The following ZNF451 variants were observed in gnomAD, a reference collection of about 807,000 sequenced individuals.
The protein encoded by ZNF451 is E3 SUMO-protein ligase ZNF451.
ZNF451 carries 80 observed loss-of-function variants against 107.1 expected under a neutral mutation model. The observed-to-expected ratio is 0.75, with a 90% CI of 0.62 to 0.90. The LOEUF is 0.90. ZNF451 is among the 40% of genes least tolerant of loss of function. The pLI, the probability that ZNF451 is intolerant of heterozygous loss-of-function variation, is 0.00. For missense variants in ZNF451, 1,107 were observed against 1,236.2 expected (o/e 0.90, Z 1.57); for synonymous variants, 362 against 406.5 (o/e 0.89, Z 1.32).
intron 3 of ZNF451, chr6:57,103,698 C>G: frequency 1.0e-6 from 1 of 985,220 alleles, no homozygotes; most frequent in Non-Finnish European, 1.2e-6. Context: ...TTTTCATCTG[C>G]TTGATCAAGG....
chr6:57,119,786 A>G (rs1358668551), intron 3 of ZNF451, among the ~76,000 whole-genome samples: 1 of 151,888 alleles, frequency 6.6e-6, no homozygotes, highest in African/African-American at 2.4e-5. Flanking sequence ...CATAAGATAT[A>G]CTTTCTATTT....
intron 3 of ZNF451, chr6:57,102,308 CT>C (rs904036888): frequency 3.2e-6 from 4 of 1,253,282 alleles, no homozygotes; most frequent in Admixed American, 7.6e-5. Flanking sequence ...GCAGTGGAGA[CT>C]TTCTTGAAAG....
intron 3 of ZNF451, chr6:57,103,440 AAT>A (rs1829699644): frequency 1.0e-6 from 1 of 985,390 alleles, no homozygotes; most frequent in Non-Finnish European, 1.2e-6. Context: ...TGGTCCCATT[AAT>A]AGTTTTTCAC....
chr6:57,145,244 C>T (rs1832005303), intron 9 of ZNF451, among the ~76,000 whole-genome samples: 1 of 152,104 alleles, frequency 6.6e-6, no homozygotes, highest in Non-Finnish European at 1.5e-5. Flanking sequence ...CCTAGTTCTT[C>T]AGTGCAAAAG....
intron 8 of ZNF451, 54 bp downstream of exon 8, chr6:57,141,509 T>C (rs1562617564): frequency 7.4e-6 from 11 of 1,484,978 alleles, no homozygotes; most frequent in Non-Finnish European, 1.0e-5. Flanking sequence ...CTTTGCTGAT[T>C]TATCATACTT....
chr6:57,143,092 A>G (rs1831856824), intron 9 of ZNF451, among the ~76,000 whole-genome samples: 1 of 152,122 alleles, frequency 6.6e-6, no homozygotes. Context: ...TCAGATTCGT[A>G]TCTAGAATAC....
At position 57,103,249 on chromosome 6, in the gene ZNF451, A is replaced by G. The variant is rs1024802336; in HGVS notation, c.186+4108A>G. The G allele has an allele frequency of 3.0e-6, 3 of 985,350 alleles. No homozygotes were observed. The African/African-American group carries it at 5.2e-5, about 17-fold the overall frequency. The allele number at this position is 985,350 out of a possible 1,614,324, so 61.0% of individuals were successfully genotyped here. On this transcript the variant is annotated intron_variant, in intron 3 of 14. Coordinates refer to ENST00000370706, the MANE Select transcript of ZNF451 (RefSeq NM_001031623.3). ...TGAGAATCCTTAAGATTTAAAGCATAGCTGTGGATGTGGTGAAGAGAACAA... is the reference window on the plus strand; with the variant it reads ...TGAGAATCCTTAAGATTTAAAGCATGGCTGTGGATGTGGTGAAGAGAACAA...
At chr6:57,153,799 T>C in intron 12 of ZNF451, 62 bp from the exon 13 acceptor site, 1 of 1,529,350 alleles carries the variant, frequency 6.5e-7, no homozygotes, top group Non-Finnish European at 9.0e-7. Context: ...CTGAAATAGA[T>C]GTAACTTGTT....
At chr6:57,111,063 G>T (rs1830083598) in intron 3 of ZNF451, among the ~76,000 whole-genome samples, 1 of 151,966 alleles carries the variant, frequency 6.6e-6, no homozygotes, top group Admixed American at 6.6e-5. Context: ...AGGATTACAG[G>T]CGCATGCCAC....
At chr6:57,124,342 A>T in intron 3 of ZNF451, 1 of 696,592 alleles carries the variant, frequency 1.4e-6, no homozygotes, top group Non-Finnish European at 2.6e-6. Context: ...ATTAGAGTTT[A>T]GTTTCCTATG....
chr6:57,112,926 A>C (rs143765160), intron 3 of ZNF451, among the ~76,000 whole-genome samples: 106 of 152,306 alleles, frequency 7.0e-4, no homozygotes, highest in African/African-American at 2.5e-3. Flanking sequence ...AAAGCCACAA[A>C]GTAGTACAAT....
intron 3 of ZNF451, among the ~76,000 whole-genome samples, chr6:57,112,159 T>C (rs903352550): frequency 1.1e-4 from 17 of 152,228 alleles, no homozygotes; most frequent in Non-Finnish European, 2.4e-4. Context: ...GTTTGAGTTA[T>C]ATAAGTTGAG....
At chr6:57,119,206 A>T (rs1830515573) in intron 3 of ZNF451, among the ~76,000 whole-genome samples, 1 of 152,170 alleles carries the variant, frequency 6.6e-6, no homozygotes, top group African/African-American at 2.4e-5. Flanking sequence ...GTGATATTTT[A>T]TTTGTAACCA....
At chr6:57,107,220 TTCAACACCTCTTTCTG>T (rs1458505386) in intron 3 of ZNF451, 1 of 985,320 alleles carries the variant, frequency 1.0e-6, no homozygotes, top group Non-Finnish European at 1.2e-6. Flanking sequence ...TTCTCCTGTA[TTCAACACCTCTTTCTG>T]AAAGGATGTC....
chr6:57,156,732 G>T (rs1346113229), intron 13 of ZNF451, among the ~76,000 whole-genome samples: 2 of 152,186 alleles, frequency 1.3e-5, no homozygotes, highest in African/African-American at 4.8e-5. Context: ...TGTAACCTAA[G>T]TTTATACTAT....
intron 3 of ZNF451, chr6:57,109,302 CA>C (rs1333462294): frequency 1.1e-4 from 105 of 959,032 alleles, no homozygotes; most frequent in Non-Finnish European, 1.2e-4. Context: ...CATATACACA[CA>C]TTTTTTTTTT....
At position 57,148,659 on chromosome 6, in the gene ZNF451, A is replaced by C; in HGVS notation, c.2574A>C (p.Lys858Asn). 6.2e-7 allele frequency: 1 copy of C among 1,612,920 alleles called. No homozygotes were observed. The highest frequency in any genetic ancestry group is 2.2e-5 in the East Asian group (1 of 44,870). Residue 858 changes from lysine (K) to asparagine (N), a missense_variant, in exon 10 of 15, where the codon AAA (lysine) becomes AAC (asparagine). Lys to Asn is a moderately conservative substitution (Grantham distance 94). Transcript: ENST00000370706. Reference sequence around the variant, plus strand: ...ATTCAAAAAGTTTAGACATGGAGAAAGGAGTTGAGAATGACCTAAGCTATC... The same window carrying C: ...ATTCAAAAAGTTTAGACATGGAGAACGGAGTTGAGAATGACCTAAGCTATC... ...INYSKSLDME[K>N]GVENDLSYQN...
chr6:57,138,801 T>A (rs1282904641), intron 7 of ZNF451, among the ~76,000 whole-genome samples: 1 of 137,950 alleles, frequency 7.2e-6, no homozygotes, highest in African/African-American at 2.6e-5. Context: ...AATTTTTTTT[T>A]TTTTTTTGAG....
rs1831050002 is a variant in ZNF451, at chr6:57,128,840, G to C, written c.424G>C (p.Gly142Arg). Reference protein sequence around the residue: ...LCVDQWLKMPGLKTGTINCGT... With the variant: ...LCVDQWLKMPRLKTGTINCGT... ...TGTGGACCAGTGGCTAAAAATGCCAGGTATTCTTTAGAAATTACACTAAGG... is the reference window on the plus strand; with the variant it reads ...TGTGGACCAGTGGCTAAAAATGCCACGTATTCTTTAGAAATTACACTAAGG... Residue 142 changes from glycine to arginine, a missense_variant and splice_region_variant, in exon 5 of 15, where the codon GGA becomes CGA. By Grantham distance (125) the Gly-to-Arg change is moderately radical. Around this residue, in one of 5 missense-constraint regions of ZNF451, gnomAD observed 339 missense variants for 372.8 expected, o/e 0.91. Coordinates refer to ENST00000370706, the MANE Select transcript of ZNF451 (RefSeq NM_001031623.3). The C allele has an allele frequency of 6.2e-7, 1 of 1,604,552 alleles. No homozygotes were observed. Among genetic ancestry groups the C allele is most frequent in the Non-Finnish European group, 8.5e-7 (1 of 1,175,624 alleles).
Sources: allele counts gnomAD v4.1 joint callset (sites outside exome capture counted in the v4.1 genomes callset), GRCh38; gene constraint gnomAD v4.1.1; regional missense constraint gnomAD v4.1.1; transcripts MANE v1.5; gene names NCBI Gene and HGNC (gene_info 2026-07-23, HGNC 2026-07-21).